FAM120B: variants seen among roughly 807,000 people sequenced by gnomAD.
FAM120B encodes family with sequence similarity 120 member B.
In FAM120B, 83 loss-of-function variants were observed where a neutral mutation model predicts 96.3. The ratio of observed to expected loss-of-function variants is 0.86; its 90% CI spans 0.72 to 1.03. The LOEUF (loss-of-function observed/expected upper bound fraction) is 1.03, where lower values mean the gene tolerates loss of function less well. Ranked by LOEUF, FAM120B falls within the 50% of genes least tolerant of loss-of-function variation. The pLI, the probability that FAM120B is intolerant of heterozygous loss-of-function variation, is 0.00. For synonymous variants in FAM120B, 407 were observed against 402.7 expected (o/e 1.01, Z -0.13); for missense variants, 1,027 against 1,121.2 (o/e 0.92, Z 1.20).
At chr6:170,382,376 C>G (rs1368497033) in intron 6 of FAM120B, among the ~76,000 whole-genome samples, 1 of 152,144 alleles carries the variant, frequency 6.6e-6, no homozygotes, top group South Asian at 2.1e-4. Context: ...CATACTCCAG[C>G]CTGGGCAACC....
chr6:170,296,791 G>A (rs1206127782), intron 1 of FAM120B, among the ~76,000 whole-genome samples: 1 of 152,124 alleles, frequency 6.6e-6, no homozygotes, highest in Non-Finnish European at 1.5e-5. Context: ...CCTCGGTACG[G>A]GCCCCCTGCG....
intron 6 of FAM120B, among the ~76,000 whole-genome samples, chr6:170,384,802 G>C (rs1361279591): frequency 6.6e-6 from 1 of 152,208 alleles, no homozygotes; most frequent in African/African-American, 2.4e-5. Context: ...TTTTTAAAGG[G>C]TTGGTTTAAA....
At chr6:170,345,072 C>T (rs1217687019) in intron 4 of FAM120B, among the ~76,000 whole-genome samples, 1 of 152,202 alleles carries the variant, frequency 6.6e-6, no homozygotes, top group African/African-American at 2.4e-5. Flanking sequence ...TGAGTCATTT[C>T]CCTGTGTCAG....
intron 6 of FAM120B, among the ~76,000 whole-genome samples, chr6:170,376,828 G>C (rs1789552419): frequency 6.6e-6 from 1 of 152,220 alleles, no homozygotes; most frequent in Non-Finnish European, 1.5e-5. Flanking sequence ...TGAGTGCTTG[G>C]CACAGGGGTT....
chr6:170,291,156 G>A, upstream of FAM120B: 1 of 387,020 alleles, frequency 2.6e-6, no homozygotes, highest in Non-Finnish European at 4.8e-6. Context: ...CCCGCCCCCA[G>A]CCCCCCCTTC....
chr6:170,348,094 A>G (rs1053320182), intron 4 of FAM120B, 57 bp from the exon 5 acceptor site: 45 of 1,364,880 alleles, frequency 3.3e-5, no homozygotes, highest in Non-Finnish European at 3.9e-5. Context: ...TACAAGGAGC[A>G]TATTATAACT....
intron 6 of FAM120B, among the ~76,000 whole-genome samples, chr6:170,380,115 C>T (rs1789817481): frequency 6.6e-6 from 1 of 152,176 alleles, no homozygotes; most frequent in Admixed American, 6.5e-5. Context: ...CTGACTTTGC[C>T]TGACTTATTT....
At chr6:170,302,726 C>A (rs922440306), upstream of FAM120B, among the ~76,000 whole-genome samples, 2 of 152,100 alleles carry the variant, frequency 1.3e-5, no homozygotes, top group Admixed American at 6.5e-5. Context: ...TTTATGTAAA[C>A]CTCCATCCTA....
chr6:170,368,553 C>G (rs1019550413), intron 6 of FAM120B, among the ~76,000 whole-genome samples: 1 of 152,008 alleles, frequency 6.6e-6, no homozygotes, highest in South Asian at 2.1e-4. Context: ...AATATGTTTT[C>G]AAGGAGATAT....
upstream of FAM120B, among the ~76,000 whole-genome samples, chr6:170,291,837 TC>T (rs997158458): frequency 6.6e-6 from 1 of 151,096 alleles, no homozygotes; most frequent in African/African-American, 2.4e-5. Context: ...GGCCTTCAAC[TC>T]CCCCCACAGA....
intron 4 of FAM120B, among the ~76,000 whole-genome samples, chr6:170,338,577 C>A (rs1321634159): frequency 1.3e-5 from 2 of 151,550 alleles, no homozygotes; most frequent in East Asian, 3.9e-4. Context: ...TTCAGAATAT[C>A]CTTGTTAATT....
chr6:170,359,226 C>A (rs955788384), intron 6 of FAM120B, among the ~76,000 whole-genome samples: 32 of 152,004 alleles, frequency 2.1e-4, no homozygotes, highest in African/African-American at 7.0e-4. Context: ...CATGGTGAAC[C>A]CTCATCTCTA....
At chr6:170,351,075 TC>T (rs1474252199) in intron 5 of FAM120B, among the ~76,000 whole-genome samples, 33 of 152,268 alleles carry the variant, frequency 2.2e-4, no homozygotes, top group African/African-American at 7.0e-4. Context: ...GCCATAATAG[TC>T]AGTTTAAAGA....
Position 170,358,166 on chromosome 6 carries a change from T to A in FAM120B, c.2191-60T>A, listed in dbSNP as rs949472675. The A allele has an allele frequency of 5.0e-6, 7 of 1,387,882 alleles. No individual in the cohort carries two copies. The East Asian group carries it at 1.7e-4, about 34-fold the overall frequency. 86.0% of individuals were successfully genotyped at this position (1,387,882 alleles called of 1,614,324 possible). On this transcript the variant is annotated intron_variant, in intron 5 of 10. Transcript: ENST00000476287. ...CTCATAGTTAATAACTGAGATCAAT[T>A]TGTAAGAAATGTTTAATTTTTCCTG...
At chr6:170,373,591 TCTTTGTTACCAAG>T (rs1789330643) in intron 6 of FAM120B, among the ~76,000 whole-genome samples, 1 of 152,238 alleles carries the variant, frequency 6.6e-6, no homozygotes, top group South Asian at 2.1e-4. Flanking sequence ...TGAAAATTGG[TCTTTGTTACCAAG>T]CTTTTCACAA....
intron 4 of FAM120B, 145 bp downstream of exon 4, chr6:170,330,695 A>T: frequency 1.5e-6 from 1 of 659,814 alleles, no homozygotes; most frequent in Non-Finnish European, 2.6e-6. Context: ...TGATTAATGT[A>T]TCCATCTAAC....
At chr6:170,359,960 C>T (rs1788232921) in intron 6 of FAM120B, among the ~76,000 whole-genome samples, 1 of 152,126 alleles carries the variant, frequency 6.6e-6, no homozygotes, top group South Asian at 2.1e-4. Context: ...GCAGCCCTGG[C>T]CTCCCTCCTG....
intron 5 of FAM120B, among the ~76,000 whole-genome samples, chr6:170,351,494 A>G (rs755308031): frequency 1.6e-4 from 24 of 152,216 alleles, no homozygotes; most frequent in African/African-American, 5.1e-4. Flanking sequence ...ACACATAATC[A>G]TCAGATTCTC....
intron 6 of FAM120B, among the ~76,000 whole-genome samples, chr6:170,374,202 A>T (rs541562741): frequency 6.6e-6 from 1 of 152,356 alleles, no homozygotes; most frequent in African/African-American, 2.4e-5. Flanking sequence ...GTTGTGTCCT[A>T]CTGGCTCCTC....
Sources: gnomAD v4.1 joint callset for allele counts (sites outside exome capture counted in the v4.1 genomes callset) on GRCh38, gnomAD v4.1.1 for gene constraint, MANE v1.5 for transcripts, NCBI Gene and HGNC (gene_info 2026-07-23, HGNC 2026-07-21) for gene names.